Variants in WDR35 observed in about 807,000 individuals in gnomAD.
WDR35 encodes the protein WD repeat domain 35.
A neutral mutation model predicts 158.3 loss-of-function variants in WDR35; 118 were observed. The ratio of observed to expected loss-of-function variants is 0.75; its 90% confidence interval spans 0.64 to 0.87. The LOEUF is 0.87. WDR35 is among the 40% of genes least tolerant of loss of function. The probability of loss-of-function intolerance (pLI) is 0.00; values close to 1 mark genes in which losing one functional copy is unlikely to be tolerated. For synonymous variants in WDR35, 448 were observed against 476.1 expected (o/e 0.94, Z 0.77); for missense variants, 1,263 against 1,405.8 (o/e 0.90, Z 1.62).
chr2:19,912,031 C>T lies in WDR35; in HGVS notation c.*1527G>A, dbSNP rs1387693511. On this transcript the variant is annotated 3_prime_UTR_variant, in exon 27 of 27. Transcript: ENST00000281405. ...TCTGGCTCAAGCGGCCACTCTGGTC[C>T]TTTTTGTAACCCGACTATTAGGGGA... 1.3e-5 allele frequency: 2 copies of T among 152,170 alleles called. No homozygotes were observed. Among genetic ancestry groups the T allele is most frequent in the African/African-American group, 4.8e-5 (2 of 41,422 alleles). 9.4% of individuals were successfully genotyped at this position (152,170 alleles called of 1,614,324 possible). A position where few individuals can be genotyped will look rare whatever the true frequency, so the allele number is the denominator to read the frequency against.
At chr2:19,945,252 A>T (rs1018841931) in intron 16 of WDR35, among the ~76,000 whole-genome samples, 2 of 152,146 alleles carry the variant, frequency 1.3e-5, no homozygotes, top group African/African-American at 4.8e-5. Flanking sequence ...CCCAAAAGAG[A>T]GATTAATCCC....
intron 10 of WDR35, among the ~76,000 whole-genome samples, chr2:19,964,540 C>T (rs1985054): frequency 0.039 from 5,883 of 151,694 alleles, 223 homozygotes; most frequent in East Asian, 0.2. Flanking sequence ...CACGCTGCCA[C>T]GCCCGGCTAA....
In WDR35 at chr2:19,990,068, G is replaced by A. The variant is rs1672706480; in HGVS notation, c.-53C>T. On this transcript the variant is annotated 5_prime_UTR_variant, in exon 1 of 27. Transcript: ENST00000281405. ...GCCGCTAAGGCCCTCGACAAGTAAC[G>A]GTTCTACGTCTCCAATCGGGAGTAC... The A allele has an allele frequency of 1.2e-6, 2 of 1,607,628 alleles. No individual in the cohort carries two copies. Among genetic ancestry groups the A allele is most frequent in the Non-Finnish European group, 1.7e-6 (2 of 1,176,792 alleles).
intron 13 of WDR35, among the ~76,000 whole-genome samples, chr2:19,949,430 T>C (rs1055373321): frequency 6.6e-6 from 1 of 152,192 alleles, no homozygotes; most frequent in Non-Finnish European, 1.5e-5. Context: ...GTATAATAAA[T>C]GGATTGGCAT....
chr2:19,984,016 TATATATATATATATATATATATATAC>T (rs780667588), intron 2 of WDR35, among the ~76,000 whole-genome samples: 20,484 of 41,724 alleles, frequency 0.49, 1,619 homozygotes, highest in Middle Eastern at 0.55. Context: ...TATATATATA[TATATATATATATATATATATATATAC>T]ATATATACAC....
At chr2:19,926,350 T>G (rs1377293773) in intron 25 of WDR35, among the ~76,000 whole-genome samples, 1 of 152,260 alleles carries the variant, frequency 6.6e-6, no homozygotes, top group Non-Finnish European at 1.5e-5. Flanking sequence ...GGTCTAGTCA[T>G]GGTAAAGCTT....
chr2:19,915,858 G>T lies in WDR35; in HGVS notation c.3122-1581C>A, dbSNP rs115961576. ...TCTAAAAAAGTTGACCTCGTGGAGC[G>T]TGCAGTGAGCTGAGATTATGCCACT... On this transcript the variant is annotated intron_variant, in intron 25 of 26. Transcript: ENST00000281405. Among the ~76,000 whole-genome samples, 203 of 150,958 alleles carry T rather than the reference G, an allele frequency of 1.3e-3. 1 individual carries two copies. The highest frequency in any genetic ancestry group is 4.7e-3 in the African/African-American group (193 of 41,066).
chr2:19,985,617 C>T (rs889799396), intron 2 of WDR35, among the ~76,000 whole-genome samples: 7 of 150,564 alleles, frequency 4.6e-5, no homozygotes, highest in Non-Finnish European at 1.0e-4. Flanking sequence ...GGCGCAGTGG[C>T]TCACGCCTGT....
chr2:19,926,213 G>C (rs1670351257), intron 25 of WDR35, among the ~76,000 whole-genome samples: 1 of 152,156 alleles, frequency 6.6e-6, no homozygotes, highest in Non-Finnish European at 1.5e-5. Context: ...GCCTTTAATA[G>C]TCATAGATTT....
Position 19,982,683 on chromosome 2 carries a change from C to T in WDR35, c.143-149G>A, listed in dbSNP as rs1672422934. On this transcript the variant is annotated intron_variant, in intron 2 of 26. Coordinates refer to ENST00000281405, the MANE Select transcript of WDR35 (RefSeq NM_020779.4). ...ATTTTTCTCATGGTATAAACATGAA[C>T]AATAACACATACCCCTTGCAAAGAT... The T allele has an allele frequency of 6.2e-6, 5 of 808,896 alleles. No homozygotes were observed. The East Asian group carries it at 1.3e-4, about 22-fold the overall frequency. 50.1% of individuals were successfully genotyped at this position (808,896 alleles called of 1,614,324 possible).
intron 15 of WDR35, 71 bp from the exon 16 acceptor site, chr2:19,946,067 C>T: frequency 6.9e-7 from 1 of 1,445,428 alleles, no homozygotes; most frequent in Non-Finnish European, 9.6e-7. Context: ...GAATAATTAC[C>T]TATAGCCATT....
intron 9 of WDR35, among the ~76,000 whole-genome samples, chr2:19,968,062 G>C (rs1671913120): frequency 6.6e-6 from 1 of 152,100 alleles, no homozygotes; most frequent in Non-Finnish European, 1.5e-5. Context: ...GAGGAGTACT[G>C]GTCAAGTATT....
chr2:19,950,077 G>A (rs527362056), intron 13 of WDR35, among the ~76,000 whole-genome samples: 1 of 152,046 alleles, frequency 6.6e-6, no homozygotes, highest in South Asian at 2.1e-4. Flanking sequence ...TTAAAGGGGT[G>A]GATTTCATTA....
At chr2:19,963,362 C>T (rs183504240) in intron 10 of WDR35, among the ~76,000 whole-genome samples, 2 of 139,416 alleles carry the variant, frequency 1.4e-5, no homozygotes, top group Admixed American at 7.3e-5. Context: ...TCTCTGTAGT[C>T]GATAATTGTA....
intron 9 of WDR35, among the ~76,000 whole-genome samples, chr2:19,967,587 TA>T (rs1671898722): frequency 6.6e-6 from 1 of 151,924 alleles, no homozygotes; most frequent in African/African-American, 2.4e-5. Flanking sequence ...TAAAAATACA[TA>T]AATTATATTA....
At chr2:19,956,766 G>A (rs942537412) in intron 11 of WDR35, among the ~76,000 whole-genome samples, 3 of 151,584 alleles carry the variant, frequency 2.0e-5, no homozygotes, top group Non-Finnish European at 4.4e-5. Flanking sequence ...GACTACAGGC[G>A]CGCGCCACCA....
At chr2:19,921,737 T>C (rs1670173905) in intron 25 of WDR35, among the ~76,000 whole-genome samples, 1 of 152,110 alleles carries the variant, frequency 6.6e-6, no homozygotes, top group Non-Finnish European at 1.5e-5. Flanking sequence ...TGGGATCTGA[T>C]TAAACTAAAG....
Position 19,987,596 on chromosome 2 carries a change from G to A in WDR35, c.142+1569C>T, listed in dbSNP as rs904821235. 4.6e-5 allele frequency among the ~76,000 whole-genome samples: 7 copies of A among 152,046 alleles called. No individual in the cohort carries two copies. The East Asian group carries it at 1.4e-3, about 29-fold the overall frequency. On this transcript the variant is annotated intron_variant, in intron 2 of 26. Coordinates refer to ENST00000281405, the MANE Select transcript of WDR35 (RefSeq NM_020779.4). ...CCCAGCACTTAGGGAGGCCGAGGTG[G>A]GTAGATCACGAGGTCAGGAGATCAA...
chr2:19,948,986 C>T (rs374562579), intron 13 of WDR35, among the ~76,000 whole-genome samples: 3 of 151,970 alleles, frequency 2.0e-5, no homozygotes, highest in Non-Finnish European at 4.4e-5. Flanking sequence ...AACCTACACA[C>T]GCACACCTAT....
Sources: allele counts gnomAD v4.1 joint callset (sites outside exome capture counted in the v4.1 genomes callset), GRCh38; gene constraint gnomAD v4.1.1; transcripts MANE v1.5; gene names NCBI Gene and HGNC (gene_info 2026-07-23, HGNC 2026-07-21).